The following ZFP36L1 variants were observed in gnomAD, a reference collection of about 807,000 sequenced individuals.
ZFP36L1 encodes mRNA decay activator protein ZFP36L1.
ZFP36L1 carries 4 observed loss-of-function variants against 16.7 expected under a neutral mutation model. That is an observed-to-expected ratio of 0.24 (90% CI 0.12 to 0.55). The LOEUF (loss-of-function observed/expected upper bound fraction) is 0.55, where lower values mean the gene tolerates loss of function less well. Among genes scored for constraint, ZFP36L1 ranks in the 20% least tolerant of loss-of-function variants. The pLI is 0.94. For missense variants in ZFP36L1, 311 were observed against 449.2 expected (o/e 0.69, Z 2.78); for synonymous variants, 220 against 190.8 (o/e 1.15, Z -1.26).
rs1389274709 is a variant in ZFP36L1, at chr14:68,792,320, G to C, written c.57+562C>G. On this transcript the variant is annotated intron_variant, in intron 1 of 1. Coordinates refer to ENST00000439696, the MANE Select transcript of ZFP36L1 (RefSeq NM_004926.4). ...CGCGGGAAGAAGCCCAACGGAGCTAGGGCGGACTCAAGCCCCACTGCAAAC... is the reference window on the plus strand; with the variant it reads ...CGCGGGAAGAAGCCCAACGGAGCTACGGCGGACTCAAGCCCCACTGCAAAC... Among the ~76,000 whole-genome samples, 5 of 152,286 alleles carry C rather than the reference G, an allele frequency of 3.3e-5. No individual in the cohort carries two copies. In the East Asian group the frequency reaches 7.7e-4, roughly 24 times the overall value.
chr14:68,790,473 T>C lies in ZFP36L1; in HGVS notation c.77A>G (p.Tyr26Cys), dbSNP rs866997253. The C allele has an allele frequency of 1.2e-6, 2 of 1,614,058 alleles. No homozygotes were observed. The highest frequency in any genetic ancestry group is 2.2e-5 in the East Asian group (1 of 44,876). Residue 26 changes from tyrosine to cysteine, a missense_variant, in exon 2 of 2, where the codon TAT (tyrosine) becomes TGT (cysteine). Tyr to Cys is a radical substitution (Grantham distance 194). Around this residue, in one of 4 missense-constraint regions of ZFP36L1, gnomAD observed 137 missense variants for 142.6 expected, o/e 0.96. Coordinates refer to ENST00000439696, the MANE Select transcript of ZFP36L1 (RefSeq NM_004926.4). ...GCAACCCCCTGCACTGGGAGCACTA[T>C]AGTTGAGCATCTTGTTACCCTGGAG... ...VLCKGNKMLN[Y>C]SAPSAGGCLL...
chr14:68,793,870 G>C (rs1483110918), upstream of ZFP36L1: 2 of 982,820 alleles, frequency 2.0e-6, no homozygotes, highest in African/African-American at 1.8e-5. Flanking sequence ...AATTTAGTGC[G>C]CCGCACGCGT....
At chr14:68,791,393 A>G (rs896833425) in intron 1 of ZFP36L1, 9 of 439,990 alleles carry the variant, frequency 2.0e-5, no homozygotes, top group Admixed American at 8.2e-5. Context: ...ATGGGGGCAG[A>G]GCCACCAATG....
chr14:68,790,961 T>G, intron 1 of ZFP36L1: 1 of 676,940 alleles, frequency 1.5e-6, no homozygotes, highest in Non-Finnish European at 2.7e-6. Flanking sequence ...CTCTGCTTAA[T>G]TGATACCCCC....
Position 68,789,361 on chromosome 14 carries a change from G to C in ZFP36L1, c.*172C>G. 1.1e-6 allele frequency: 1 copy of C among 914,366 alleles called. No homozygotes were observed. The highest frequency in any genetic ancestry group is 1.6e-6 in the Non-Finnish European group (1 of 621,026). The allele number at this position is 914,366 out of a possible 1,614,324, so 56.6% of individuals were successfully genotyped here. On this transcript the variant is annotated 3_prime_UTR_variant, in exon 2 of 2. Coordinates refer to ENST00000439696, the MANE Select transcript of ZFP36L1 (RefSeq NM_004926.4). The surrounding 1 kb of genome is among the most constrained non-coding windows in gnomAD (Gnocchi z 4.5). ...AATTGACTTGTCCTTATGTTAGGTG[G>C]GGTTATGAGGGGGAGAGGGAGGGCA...
At chr14:68,792,822 T>C (rs1210965872) in intron 1 of ZFP36L1, 60 bp downstream of exon 1, 2 of 1,599,224 alleles carry the variant, frequency 1.3e-6, no homozygotes, top group East Asian at 2.2e-5. Context: ...CTTTTGGGGG[T>C]TCTTTCTTAA....
chr14:68,793,225 G>C (rs1895156126), upstream of ZFP36L1: 2 of 1,016,304 alleles, frequency 2.0e-6, no homozygotes, highest in Non-Finnish European at 1.2e-6. Flanking sequence ...GGGGGGGCAG[G>C]GGGAGGAGAA....
At position 68,788,938 on chromosome 14, in the gene ZFP36L1, GGGT is replaced by G. The variant is rs74708775; in HGVS notation, c.*592_*594del. ...CTCTTCCAAGGGGCAGGGGTGGGGGGGGTGGGGGGGCGGGTACAGGTGGAGAGG... is the reference window on the plus strand; with the variant it reads ...CTCTTCCAAGGGGCAGGGGTGGGGGGGGGGGGGCGGGTACAGGTGGAGAGG... On this transcript the variant is annotated 3_prime_UTR_variant, in exon 2 of 2. Coordinates refer to ENST00000439696, the MANE Select transcript of ZFP36L1 (RefSeq NM_004926.4). 0.61 allele frequency: 85,076 copies of G among 138,498 alleles called. 26,320 individuals carry two copies. Among genetic ancestry groups the G allele is most frequent in the Middle Eastern group, 0.67 (189 of 284 alleles). 8.6% of individuals were successfully genotyped at this position (138,498 alleles called of 1,614,324 possible). A position where few individuals can be genotyped will look rare whatever the true frequency, so the allele number is the denominator to read the frequency against.
At chr14:68,795,837 A>G (rs760369407), upstream of ZFP36L1, 3 of 541,586 alleles carry the variant, frequency 5.5e-6, no homozygotes, top group Non-Finnish European at 1.1e-5. Context: ...GAGAGGAGGG[A>G]GCGAGTCCCT....
Position 68,789,237 on chromosome 14 carries a change from A to C in ZFP36L1, c.*296T>G. The C allele has an allele frequency of 2.7e-6, 1 of 375,570 alleles. No homozygotes were observed. The allele number at this position is 375,570 out of a possible 1,614,324, so 23.3% of individuals were successfully genotyped here. On this transcript the variant is annotated 3_prime_UTR_variant, in exon 2 of 2. Coordinates refer to ENST00000439696, the MANE Select transcript of ZFP36L1 (RefSeq NM_004926.4). This position sits in a 1 kb window ranked among gnomAD's most constrained non-coding sequence, Gnocchi z 4.5. ...ACTTAAGGCTTAAGCCGGAAAAAAA[A>C]AGGCATCTACTGACAAAATATGGGA...
upstream of ZFP36L1, chr14:68,793,078 G>A (rs773392219): frequency 1.3e-6 from 2 of 1,569,290 alleles, no homozygotes; most frequent in South Asian, 2.3e-5. Flanking sequence ...GGGCTGGGGC[G>A]CGCAAAGCCC....
At chr14:68,791,075 A>T in intron 1 of ZFP36L1, 1 of 701,710 alleles carries the variant, frequency 1.4e-6, no homozygotes, top group Non-Finnish European at 2.6e-6. Context: ...TGTGGGGAGG[A>T]GATTGGGGGC....
At chr14:68,792,576 G>A (rs1335942277) in intron 1 of ZFP36L1, among the ~76,000 whole-genome samples, 1 of 151,952 alleles carries the variant, frequency 6.6e-6, no homozygotes, top group Non-Finnish European at 1.5e-5. Context: ...AAACAGGATC[G>A]CCCAAAACTT....
upstream of ZFP36L1, chr14:68,794,698 C>A (rs1427822823): frequency 1.5e-4 from 23 of 152,374 alleles, no homozygotes; most frequent in African/African-American, 4.8e-4. Flanking sequence ...AAGGACGGGG[C>A]GGGCCGAAGA....
At position 68,789,569 on chromosome 14, in the gene ZFP36L1, C is replaced by T; in HGVS notation, c.981G>A (p.Leu327=). 6.2e-7 allele frequency: 1 copy of T among 1,613,898 alleles called. No homozygotes were observed. ...AGATGGAAAGTCTGCTGAAGATGGG[C>T]AGGCGTCTTGAGTTGTCCAAGGTCG... ...DSPTLDNSRR[L]PIFSRLSISD... The change falls in exon 2 of 2, where the codon CTG becomes CTA. Residue 327 remains leucine, a synonymous_variant. Transcript: ENST00000439696. The surrounding 1 kb of genome is among the most constrained non-coding windows in gnomAD (Gnocchi z 4.5).
At chr14:68,796,084 C>T (rs202030503), upstream of ZFP36L1, 239 of 1,358,392 alleles carry the variant, frequency 1.8e-4, 1 homozygote, top group African/African-American at 2.8e-3. Context: ...CCTGCACTGC[C>T]GCTTCCGACC....
At position 68,789,522 on chromosome 14, in the gene ZFP36L1, C is replaced by T; in HGVS notation, c.*11G>A. On this transcript the variant is annotated 3_prime_UTR_variant, in exon 2 of 2. Transcript: ENST00000439696. This position sits in a 1 kb window ranked among gnomAD's most constrained non-coding sequence, Gnocchi z 4.5. ...GGCTGGAGTAGGCAGGAGGTCCCTC[C>T]CTACCCTGGCTTAGTCATCTGAGAT... 2 of 1,612,840 alleles carry T rather than the reference C, an allele frequency of 1.2e-6. No individual in the cohort carries two copies. Among genetic ancestry groups the T allele is most frequent in the Non-Finnish European group, 1.7e-6 (2 of 1,179,954 alleles).
chr14:68,795,927 C>T (rs1345340486), upstream of ZFP36L1: 1 of 1,136,626 alleles, frequency 8.8e-7, no homozygotes, highest in Non-Finnish European at 1.2e-6. Context: ...CAGACGTGGT[C>T]GACAGGTGCC....
chr14:68,795,928 G>C (rs1566562435), upstream of ZFP36L1: 4 of 1,142,240 alleles, frequency 3.5e-6, no homozygotes, highest in African/African-American at 3.2e-5. Context: ...AGACGTGGTC[G>C]ACAGGTGCCC....
Sources: allele counts gnomAD v4.1 joint callset (sites outside exome capture counted in the v4.1 genomes callset), GRCh38; gene constraint gnomAD v4.1.1; regional missense constraint gnomAD v4.1.1; non-coding constraint Gnocchi (gnomAD v3.1); transcripts MANE v1.5; gene names NCBI Gene and HGNC (gene_info 2026-07-23, HGNC 2026-07-21).